C13orf46: variants seen among roughly 807,000 people sequenced by gnomAD.
C13orf46 encodes the protein chromosome 13 open reading frame 46.
the C13orf46 span, among the ~76,000 whole-genome samples, chr13:113,930,505 C>T: frequency 6.6e-6 from 1 of 152,212 alleles, no homozygotes; most frequent in African/African-American, 2.4e-5. Context: ...AAGGTGCCTC[C>T]TGGTGTGTCC....
chr13:113,945,608 GAAA>G, the C13orf46 span, among the ~76,000 whole-genome samples: 1 of 57,412 alleles, frequency 1.7e-5, no homozygotes, highest in Admixed American at 2.0e-4. Flanking sequence ...AAAGAAAGAA[GAAA>G]GAAAGAAAGA....
At chr13:113,969,165 T>C (rs1486586857) in intron 2 of C13orf46, among the ~76,000 whole-genome samples, 1 of 152,266 alleles carries the variant, frequency 6.6e-6, no homozygotes, top group African/African-American at 2.4e-5. Flanking sequence ...GGTCCACGGT[T>C]GGCCCTGCTG....
chr13:113,966,977 C>A (rs1433734918), intron 5 of C13orf46, among the ~76,000 whole-genome samples: 1 of 152,160 alleles, frequency 6.6e-6, no homozygotes, highest in Non-Finnish European at 1.5e-5. Flanking sequence ...CAGAACCACA[C>A]ATCCACCAAA....
chr13:113,969,670 G>A lies in C13orf46; in HGVS notation c.242+501C>T, dbSNP rs951708691. Among the ~76,000 whole-genome samples, 4 of 152,230 alleles carry A rather than the reference G, an allele frequency of 2.6e-5. No individual in the cohort carries two copies. The East Asian group carries it at 5.8e-4, about 22-fold the overall frequency. On this transcript the variant is annotated intron_variant, in intron 2 of 6. Coordinates refer to ENST00000636427, the MANE Select transcript of C13orf46 (RefSeq NM_001365455.2). ...TTTAAGTCTTCTTTGATGGCAGGAG[G>A]GTGAGTGGGTGGGAGAACCAGAGCT... is the stretch of plus-strand genomic sequence containing the variant.
At chr13:113,942,859 C>T in the C13orf46 span, among the ~76,000 whole-genome samples, 1 of 152,210 alleles carries the variant, frequency 6.6e-6, no homozygotes, top group African/African-American at 2.4e-5. Flanking sequence ...CCTGATGCCT[C>T]TGAGAAAGGC....
chr13:113,971,513 G>T (rs1289185161), intron 1 of C13orf46, among the ~76,000 whole-genome samples: 1 of 152,236 alleles, frequency 6.6e-6, no homozygotes, highest in Admixed American at 6.5e-5. Flanking sequence ...GCCTCAGTGG[G>T]TCTGGAACCC....
chr13:113,945,624 G>GAAAGA, the C13orf46 span, among the ~76,000 whole-genome samples: 3 of 126,244 alleles, frequency 2.4e-5, no homozygotes, highest in Non-Finnish European at 5.2e-5. Flanking sequence ...AAGAAAGAAA[G>GAAAGA]AAAGAAAGAA....
intron 6 of C13orf46, among the ~76,000 whole-genome samples, chr13:113,963,265 G>GCCCTGTCCTCAGCCTCGGC (rs2052603383): frequency 1.0e-5 from 1 of 97,028 alleles, no homozygotes; most frequent in Non-Finnish European, 2.2e-5. Flanking sequence ...CTCAGCCTCG[G>GCCCTGTCCTCAGCCTCGGC]CCCTGTCCTC....
chr13:113,936,984 C>A, the C13orf46 span, among the ~76,000 whole-genome samples: 3 of 152,156 alleles, frequency 2.0e-5, no homozygotes, highest in East Asian at 5.8e-4. Context: ...TCAGGCTCCT[C>A]TCGTCCTCGT....
At chr13:113,945,662 AAGAAAG>A in the C13orf46 span, among the ~76,000 whole-genome samples, 8 of 139,086 alleles carry the variant, frequency 5.8e-5, no homozygotes, top group African/African-American at 2.1e-4. Context: ...GAAAGAAAGA[AAGAAAG>A]AAAGGAAAGA....
chr13:113,936,270 G>A, the C13orf46 span, among the ~76,000 whole-genome samples: 949 of 152,304 alleles, frequency 6.2e-3, 12 homozygotes, highest in African/African-American at 0.022. Context: ...AGTGTTGATA[G>A]AACATTCATC....
At chr13:113,958,051 G>A (rs1175373197) in intron 6 of C13orf46, among the ~76,000 whole-genome samples, 14,871 of 111,376 alleles carry the variant, frequency 0.13, 1,116 homozygotes, top group Middle Eastern at 0.26. Context: ...CTTTCATCAA[G>A]TGCACCGGGG....
chr13:113,942,197 T>C, the C13orf46 span, among the ~76,000 whole-genome samples: 88 of 152,244 alleles, frequency 5.8e-4, no homozygotes, highest in African/African-American at 2.0e-3. Context: ...CAGAATACAA[T>C]AGACGCATAT....
chr13:113,935,328 CT>C, the C13orf46 span, among the ~76,000 whole-genome samples: 1 of 152,244 alleles, frequency 6.6e-6, no homozygotes, highest in Non-Finnish European at 1.5e-5. Flanking sequence ...TTAGGGGCCC[CT>C]GGCCCTGACC....
the C13orf46 span, among the ~76,000 whole-genome samples, chr13:113,945,616 GAAAGAAAGAAAGAAAGA>G: frequency 1.9e-5 from 2 of 107,686 alleles, no homozygotes; most frequent in African/African-American, 3.5e-5. Flanking sequence ...AAGAAAGAAA[GAAAGAAAGAAAGAAAGA>G]AAGAAAGAAA....
intron 6 of C13orf46, among the ~76,000 whole-genome samples, chr13:113,958,717 CTT>C (rs1414142779): frequency 6.6e-6 from 1 of 152,112 alleles, no homozygotes; most frequent in Non-Finnish European, 1.5e-5. Flanking sequence ...TCTTGAAAAG[CTT>C]TTTTTTCCTT....
At chr13:113,940,576 G>A in the C13orf46 span, among the ~76,000 whole-genome samples, 427 of 35,524 alleles carry the variant, frequency 0.012, 15 homozygotes, top group African/African-American at 0.04. Context: ...CTGAGCGTTC[G>A]AGACCCTGGT....
the C13orf46 span, among the ~76,000 whole-genome samples, chr13:113,939,491 C>T: frequency 5.3e-5 from 8 of 151,566 alleles, no homozygotes; most frequent in Non-Finnish European, 8.8e-5. Context: ...ACGGGGACCA[C>T]GTTGATGGGG....
the C13orf46 span, among the ~76,000 whole-genome samples, chr13:113,934,466 G>T: frequency 1.1e-3 from 164 of 152,304 alleles, 3 homozygotes; most frequent in East Asian, 0.028. Context: ...ATTAGAAGAA[G>T]GGGTCTTGCA....
Sources: allele counts gnomAD v4.1 joint callset (sites outside exome capture counted in the v4.1 genomes callset), GRCh38; gene constraint gnomAD v4.1.1; transcripts MANE v1.5; gene names NCBI Gene and HGNC (gene_info 2026-07-23, HGNC 2026-07-21).